The following CFAP97D2 variants were observed in gnomAD, a reference collection of about 807,000 sequenced individuals.
The protein encoded by CFAP97D2 is uncharacterized protein CFAP97D2.
chr13:114,217,306 A>G (rs2080998423), intron 4 of CFAP97D2, among the ~76,000 whole-genome samples: 1 of 152,216 alleles, frequency 6.6e-6, no homozygotes, highest in African/African-American at 2.4e-5. Flanking sequence ...CTGGACACAT[A>G]CACCCTCCCA....
intron 4 of CFAP97D2, among the ~76,000 whole-genome samples, chr13:114,214,509 C>T (rs2080984908): frequency 6.6e-6 from 1 of 152,154 alleles, no homozygotes; most frequent in Non-Finnish European, 1.5e-5. Flanking sequence ...GGATGGCAGC[C>T]CCTGGAAGTA....
At chr13:114,220,001 C>T (rs1040855002) in intron 4 of CFAP97D2, among the ~76,000 whole-genome samples, 10 of 152,052 alleles carry the variant, frequency 6.6e-5, no homozygotes, top group Admixed American at 6.6e-4. Context: ...TGGAAACAGA[C>T]CAGCCACGTA....
At chr13:114,216,866 A>G (rs2080996016) in intron 4 of CFAP97D2, among the ~76,000 whole-genome samples, 1 of 152,236 alleles carries the variant, frequency 6.6e-6, no homozygotes, top group South Asian at 2.1e-4. Context: ...GAATTGCCAC[A>G]CTGTCTTCCA....
chr13:114,181,455 T>G (rs183795432), intron 1 of CFAP97D2, among the ~76,000 whole-genome samples: 2 of 151,830 alleles, frequency 1.3e-5, no homozygotes, highest in African/African-American at 2.4e-5. Flanking sequence ...GACAAAGAAA[T>G]GGGAGAAGAG....
rs9525307 is a variant in CFAP97D2, at chr13:114,207,833, G to T, written c.291-4079G>T. On this transcript the variant is annotated intron_variant, in intron 3 of 4. Transcript: ENST00000646158. The surrounding 1 kb of genome is among the most constrained non-coding windows in gnomAD (Gnocchi z 4.9). ...CACCACCATTTTTTTCCCTAGAGAG[G>T]CTATGTGGTGGCTTTTAATCCCATT... 0.16 allele frequency among the ~76,000 whole-genome samples: 25,080 copies of T among 152,188 alleles called. 2,377 individuals carry two copies. Among genetic ancestry groups the T allele is most frequent in the Non-Finnish European group, 0.2 (13,880 of 68,002 alleles).
chr13:114,202,478 G>A (rs772468814), intron 3 of CFAP97D2, among the ~76,000 whole-genome samples: 48 of 152,202 alleles, frequency 3.2e-4, no homozygotes, highest in Non-Finnish European at 5.7e-4. Flanking sequence ...TTCAAGAAAA[G>A]CTACTGTAAT....
rs184871315 is a variant in CFAP97D2, at chr13:114,211,643, G to A, written c.291-269G>A. On this transcript the variant is annotated intron_variant, in intron 3 of 4. Transcript: ENST00000646158. The surrounding 1 kb of genome is among the most constrained non-coding windows in gnomAD (Gnocchi z 4.2). ...TCAGGAAGCACCGGGAGACTTCCCC[G>A]CTGTGCCCCATTGTGCTCACCCTGA... Among the ~76,000 whole-genome samples the A allele has an allele frequency of 7.2e-5, 11 of 152,242 alleles. No individual in the cohort carries two copies. The highest frequency in any genetic ancestry group is 3.9e-4 in the East Asian group (2 of 5,174).
chr13:114,200,417 C>A, exon 3 of CFAP97D2: 1 of 398,724 alleles, frequency 2.5e-6, no homozygotes, highest in East Asian at 3.6e-5. Context: ...GACAGACTGA[C>A]AGCAAAAACA....
rs2080967128 is a variant in CFAP97D2, at chr13:114,211,699, CGCCGGGGCTGAGTGT to C, written c.291-209_291-195del. On this transcript the variant is annotated intron_variant, in intron 3 of 4. Transcript: ENST00000646158. The surrounding 1 kb of genome is among the most constrained non-coding windows in gnomAD (Gnocchi z 4.2). ...CCCCTCCCGCCGTGCAAAGCGAGCG[CGCCGGGGCTGAGTGT>C]GCCCTTCGCTCCTCTCTGAGCCAGC... Among the ~76,000 whole-genome samples, 1 of 152,198 alleles carries C rather than the reference CGCCGGGGCTGAGTGT, an allele frequency of 6.6e-6. No individual in the cohort carries two copies. Among genetic ancestry groups the C allele is most frequent in the Non-Finnish European group, 1.5e-5 (1 of 68,042 alleles).
chr13:114,202,445 A>G (rs2080922465), intron 3 of CFAP97D2, among the ~76,000 whole-genome samples: 1 of 152,184 alleles, frequency 6.6e-6, no homozygotes, highest in Non-Finnish European at 1.5e-5. Flanking sequence ...TCTCTGCTGT[A>G]TGGTCCTAAG....
At chr13:114,196,076 CA>C (rs57315285) in intron 1 of CFAP97D2, among the ~76,000 whole-genome samples, 2,133 of 100,892 alleles carry the variant, frequency 0.021, 16 homozygotes, top group African/African-American at 0.042. Context: ...GAGCGAGACT[CA>C]AAAAAAAAAA....
chr13:114,211,150 T>C lies in CFAP97D2; in HGVS notation c.291-762T>C, dbSNP rs1400903149. ...GCCCTAACCCTGGTGGGTTCTTTAC[T>C]TCGTGCTCCTCTGTGCTCCACAGCC... On this transcript the variant is annotated intron_variant, in intron 3 of 4. Transcript: ENST00000646158. This position sits in a 1 kb window ranked among gnomAD's most constrained non-coding sequence, Gnocchi z 4.2. 6.6e-6 allele frequency among the ~76,000 whole-genome samples: 1 copy of C among 152,180 alleles called. No individual in the cohort carries two copies. The highest frequency in any genetic ancestry group is 1.5e-5 in the Non-Finnish European group (1 of 68,030).
Position 114,203,989 on chromosome 13 carries a change from A to T in CFAP97D2, c.290+3546A>T, listed in dbSNP as rs998025203. On this transcript the variant is annotated intron_variant, in intron 3 of 4. Transcript: ENST00000646158. The surrounding 1 kb of genome is among the most constrained non-coding windows in gnomAD (Gnocchi z 4.3). ...TTTAGTCAAAACAATCCTGAAAAAG[A>T]AGATCAAAGTAGTAGGACTCATGTG... Among the ~76,000 whole-genome samples, 1 of 152,232 alleles carries T rather than the reference A, an allele frequency of 6.6e-6. No individual in the cohort carries two copies. The highest frequency in any genetic ancestry group is 1.5e-5 in the Non-Finnish European group (1 of 68,036).
At chr13:114,202,263 A>G (rs925916911) in intron 3 of CFAP97D2, among the ~76,000 whole-genome samples, 2 of 152,212 alleles carry the variant, frequency 1.3e-5, no homozygotes, top group Non-Finnish European at 2.9e-5. Flanking sequence ...ATCAGAGTTT[A>G]TGTAAAAAGA....
intron 3 of CFAP97D2, among the ~76,000 whole-genome samples, chr13:114,210,981 T>C (rs7322952): frequency 0.28 from 42,437 of 151,712 alleles, 7,866 homozygotes; most frequent in East Asian, 0.56. Flanking sequence ...ACCAATGAAA[T>C]GAAATATGCA....
chr13:114,196,950 C>T (rs1379485741), intron 2 of CFAP97D2, among the ~76,000 whole-genome samples: 1 of 152,178 alleles, frequency 6.6e-6, no homozygotes, highest in African/African-American at 2.4e-5. Flanking sequence ...TCAAAGATTT[C>T]CTGACTGCCA....
At chr13:114,213,858 A>G (rs2080981971) in intron 4 of CFAP97D2, among the ~76,000 whole-genome samples, 1 of 139,898 alleles carries the variant, frequency 7.1e-6, no homozygotes, top group African/African-American at 2.8e-5. Context: ...CCCCTGGACA[A>G]GCTCCAGGAC....
At chr13:114,199,356 G>T (rs79181372) in intron 2 of CFAP97D2, among the ~76,000 whole-genome samples, 12 of 59,160 alleles carry the variant, frequency 2.0e-4, no homozygotes, top group Admixed American at 6.9e-4. Flanking sequence ...CGTCCCCGTG[G>T]GTACGGTCCC....
chr13:114,196,076 C>CAAAAAAAAAAAAA (rs57315285), intron 1 of CFAP97D2, among the ~76,000 whole-genome samples: 1 of 100,972 alleles, frequency 9.9e-6, no homozygotes, highest in African/African-American at 3.6e-5. Context: ...GAGCGAGACT[C>CAAAAAAAAAAAAA]AAAAAAAAAA....
Sources: gnomAD v4.1 joint callset for allele counts (sites outside exome capture counted in the v4.1 genomes callset) on GRCh38, gnomAD v4.1.1 for gene constraint, Gnocchi (gnomAD v3.1) non-coding constraint, MANE v1.5 for transcripts, NCBI Gene and HGNC (gene_info 2026-07-23, HGNC 2026-07-21) for gene names.